The following RCL1 variants were observed in gnomAD, a reference collection of about 807,000 sequenced individuals.
The protein encoded by RCL1 is RNA terminal phosphate cyclase like 1, also known as RNA 3'-terminal phosphate cyclase-like protein.
A neutral mutation model predicts 42.4 loss-of-function variants in RCL1; 24 were observed. The observed-to-expected ratio is 0.57, with a 90% CI of 0.41 to 0.80. RCL1 has a LOEUF of 0.80. Ranked by LOEUF, RCL1 falls within the 30% of genes least tolerant of loss-of-function variation. RCL1 has a pLI of 0.00. For missense variants in RCL1, 578 were observed against 467.9 expected, an observed-to-expected ratio of 1.24 and a Z score of -2.17; for synonymous variants, 228 against 177.3, an observed-to-expected ratio of 1.29 and a Z score of -2.27.
intron 7 of RCL1, among the ~76,000 whole-genome samples, chr9:4,845,187 A>T (rs1004530719): frequency 5.3e-5 from 8 of 152,264 alleles, no homozygotes; most frequent in Non-Finnish European, 7.3e-5. Flanking sequence ...ATCTCAGTTA[A>T]CAGATAAGTA....
intron 1 of RCL1, among the ~76,000 whole-genome samples, chr9:4,797,057 G>A (rs889661110): frequency 6.6e-6 from 1 of 152,148 alleles, no homozygotes; most frequent in East Asian, 1.9e-4. Context: ...AAGAGCTTGG[G>A]GTCAGTATTG....
intron 2 of RCL1, 25 bp from the exon 3 acceptor site, chr9:4,826,833 G>A (rs1210273412): frequency 2.5e-6 from 4 of 1,577,976 alleles, no homozygotes; most frequent in Admixed American, 3.8e-5. Flanking sequence ...CCTGCTGAAT[G>A]TGGCTCTTTT....
intron 8 of RCL1, among the ~76,000 whole-genome samples, chr9:4,851,009 TG>T (rs1161989437): frequency 1.3e-5 from 2 of 152,182 alleles, no homozygotes; most frequent in African/African-American, 4.8e-5. Context: ...AATACATATA[TG>T]TTTTTTTTCG....
chr9:4,838,483 A>G (rs984178142), intron 5 of RCL1, among the ~76,000 whole-genome samples: 1 of 152,232 alleles, frequency 6.6e-6, no homozygotes, highest in Non-Finnish European at 1.5e-5. Context: ...AAAAGCTGGC[A>G]GTAAAGGGGG....
intron 1 of RCL1, 124 bp downstream of exon 1, chr9:4,793,351 C>CA: frequency 8.7e-7 from 1 of 1,151,304 alleles, no homozygotes. Flanking sequence ...TCGGGGAGGG[C>CA]AGGTGGCGCG....
At chr9:4,857,562 A>G (rs993720487) in intron 8 of RCL1, among the ~76,000 whole-genome samples, 1 of 152,192 alleles carries the variant, frequency 6.6e-6, no homozygotes, top group Non-Finnish European at 1.5e-5. Context: ...GAATAATGCC[A>G]TTATGAATAT....
chr9:4,853,037 A>G (rs1817803899), intron 8 of RCL1, among the ~76,000 whole-genome samples: 1 of 152,184 alleles, frequency 6.6e-6, no homozygotes, highest in Non-Finnish European at 1.5e-5. Flanking sequence ...CAAACTACAC[A>G]CATCTTATTG....
Position 4,860,437 on chromosome 9 carries a change from A to G in RCL1, c.*162A>G. 1.3e-6 allele frequency: 1 copy of G among 786,896 alleles called. No homozygotes were observed. 48.7% of individuals were successfully genotyped at this position (786,896 alleles called of 1,614,324 possible). On this transcript the variant is annotated 3_prime_UTR_variant, in exon 9 of 9. Transcript: ENST00000381750. ...TACAAATAAAAGACATCCCTGTAGC[A>G]TATGGTTTCCAGCTGTTTCTCCAGT...
intron 3 of RCL1, among the ~76,000 whole-genome samples, chr9:4,831,577 A>G (rs1249652347): frequency 1.3e-5 from 2 of 152,188 alleles, no homozygotes; most frequent in African/African-American, 4.8e-5. Flanking sequence ...CCTGGGCTCA[A>G]GTGATCCTCC....
intron 1 of RCL1, among the ~76,000 whole-genome samples, chr9:4,814,802 G>T (rs1816313825): frequency 6.6e-6 from 1 of 151,996 alleles, no homozygotes; most frequent in Admixed American, 6.5e-5. Flanking sequence ...TTCTTGTAAG[G>T]CCTGGCTAAT....
chr9:4,813,968 C>G (rs545696039), intron 1 of RCL1, among the ~76,000 whole-genome samples: 1 of 152,064 alleles, frequency 6.6e-6, no homozygotes, highest in African/African-American at 2.4e-5. Flanking sequence ...TGTTCTCACT[C>G]ATAGGTGGGA....
At chr9:4,848,843 G>T (rs1215151079) in intron 7 of RCL1, among the ~76,000 whole-genome samples, 1 of 152,150 alleles carries the variant, frequency 6.6e-6, no homozygotes, top group Non-Finnish European at 1.5e-5. Flanking sequence ...TTATACATAA[G>T]TAGTAAGAAT....
intron 5 of RCL1, 126 bp from the exon 6 acceptor site, chr9:4,841,106 T>A: frequency 9.9e-7 from 1 of 1,012,758 alleles, no homozygotes. Context: ...TAAATTCAGT[T>A]GGAAAACAAT....
intron 5 of RCL1, 138 bp from the exon 6 acceptor site, chr9:4,841,094 A>T: frequency 2.3e-6 from 2 of 870,740 alleles, no homozygotes; most frequent in Non-Finnish European, 3.6e-6. Flanking sequence ...GTACTAATTC[A>T]GTAAATTCAG....
At chr9:4,841,505 C>CT in intron 6 of RCL1, 148 bp downstream of exon 6, 1 of 676,184 alleles carries the variant, frequency 1.5e-6, no homozygotes, top group Non-Finnish European at 2.5e-6. Flanking sequence ...CCGTTGTCAC[C>CT]AACAGGCATT....
At chr9:4,841,022 GTC>G (rs1817299631) in intron 5 of RCL1, among the ~76,000 whole-genome samples, 1 of 152,074 alleles carries the variant, frequency 6.6e-6, no homozygotes, top group Non-Finnish European at 1.5e-5. Context: ...ACTTTCCACT[GTC>G]TCTATTGTTT....
intron 7 of RCL1, among the ~76,000 whole-genome samples, chr9:4,847,916 A>T (rs905007536): frequency 1.3e-5 from 2 of 152,194 alleles, no homozygotes; most frequent in African/African-American, 4.8e-5. Context: ...GGCTGGCTCA[A>T]GTAGTCCTGA....
chr9:4,809,989 G>A (rs532648431), intron 1 of RCL1, among the ~76,000 whole-genome samples: 52 of 152,008 alleles, frequency 3.4e-4, no homozygotes, highest in Admixed American at 1.6e-3. Flanking sequence ...GCTAATTTTT[G>A]TATTTTTGGT....
Position 4,827,008 on chromosome 9 carries a change from T to A in RCL1, c.359T>A (p.Val120Glu), listed in dbSNP as rs1433920187. 5 of 1,613,982 alleles carry A rather than the reference T, an allele frequency of 3.1e-6. No individual in the cohort carries two copies. Among genetic ancestry groups the A allele is most frequent in the Non-Finnish European group, 4.2e-6 (5 of 1,180,024 alleles). The change falls in exon 3 of 9, where the codon GTG becomes GAG. Residue 120 changes from valine to glutamate, a missense_variant. By Grantham distance (121) the Val-to-Glu change is moderately radical (BLOSUM62 -2). Coordinates refer to ENST00000381750, the MANE Select transcript of RCL1 (RefSeq NM_005772.5). The stretch of plus-strand genomic sequence containing the variant: ...CCGTTAAAAATAGTTCTACGAGGAG[T>A]GACCAATGATCAGGTTGACCCTTCA... ...KHPLKIVLRG[V>E]TNDQVDPSVD...
Sources: allele counts gnomAD v4.1 joint callset (sites outside exome capture counted in the v4.1 genomes callset), GRCh38; gene constraint gnomAD v4.1.1; transcripts MANE v1.5; gene names NCBI Gene and HGNC (gene_info 2026-07-23, HGNC 2026-07-21).